Variants in NR5A2 observed in about 807,000 individuals in gnomAD.
NR5A2 encodes nuclear receptor subfamily 5 group A member 2, also known as CYP7A promoter-binding factor.
In NR5A2, 26 loss-of-function variants were observed where a neutral mutation model predicts 62.7. That is an observed-to-expected ratio of 0.41 (90% CI 0.30 to 0.58). NR5A2 has a LOEUF of 0.58. Among genes scored for constraint, NR5A2 ranks in the 20% least tolerant of loss-of-function variants. The pLI is 0.22. For synonymous variants in NR5A2, 246 were observed against 241.7 expected (o/e 1.02, Z -0.16); for missense variants, 541 against 669.1 (o/e 0.81, Z 2.11).
chr1:200,137,896 G>C (rs1045397259), intron 7 of NR5A2, among the ~76,000 whole-genome samples: 1 of 152,070 alleles, frequency 6.6e-6, no homozygotes, highest in Non-Finnish European at 1.5e-5. Context: ...AAAGGGATTG[G>C]GGTCCATGAT....
intron 5 of NR5A2, chr1:200,054,055 T>G (rs1662794988): frequency 1.3e-5 from 2 of 152,168 alleles, no homozygotes; most frequent in Admixed American, 6.5e-5. Flanking sequence ...AGAAAAAGAA[T>G]GCAGGGAGCT....
At position 200,069,852 on chromosome 1, in the gene NR5A2, A is replaced by G. The variant is rs79443832; in HGVS notation, c.1110+21034A>G. ...AATTAAGAGGAACATTGGAAAACAT[A>G]ATCTCTAATTATGTCTCAATATTAC... On this transcript the variant is annotated intron_variant, in intron 5 of 7. Transcript: ENST00000367362. Among the ~76,000 whole-genome samples the G allele has an allele frequency of 1.4e-3, 206 of 145,464 alleles. 3 individuals carry two copies. The East Asian group carries it at 0.031, about 22-fold the overall frequency.
At chr1:200,161,175 T>C (rs1653624376) in intron 7 of NR5A2, among the ~76,000 whole-genome samples, 1 of 152,182 alleles carries the variant, frequency 6.6e-6, no homozygotes, top group Non-Finnish European at 1.5e-5. Context: ...AAACACCGTA[T>C]GTATTTGGCC....
Position 200,147,500 on chromosome 1 carries a change from A to G in NR5A2, c.1379-26463A>G, listed in dbSNP as rs1337167998. ...AAGGGACAATTTGATCTGTTTCTTC[A>G]TCCTTAAAATTTCTGCTGCTTTTGC... On this transcript the variant is annotated intron_variant, in intron 7 of 7. Transcript: ENST00000367362. This position sits in a 1 kb window ranked among gnomAD's most constrained non-coding sequence, Gnocchi z 4.9. 3.1e-6 allele frequency: 2 copies of G among 641,634 alleles called. No homozygotes were observed. Among genetic ancestry groups the G allele is most frequent in the East Asian group, 3.7e-5 (1 of 26,716 alleles). 39.7% of individuals were successfully genotyped at this position (641,634 alleles called of 1,614,324 possible).
intron 6 of NR5A2, among the ~76,000 whole-genome samples, chr1:200,112,442 T>A (rs1299245318): frequency 6.6e-6 from 1 of 152,218 alleles, no homozygotes; most frequent in East Asian, 1.9e-4. Flanking sequence ...AATGGTGACT[T>A]CAGTACTCGG....
intron 7 of NR5A2, among the ~76,000 whole-genome samples, chr1:200,144,212 G>GTT (rs1470303125): frequency 8.6e-5 from 3 of 34,826 alleles, no homozygotes; most frequent in African/African-American, 2.0e-4. Flanking sequence ...TCCCAGCACT[G>GTT]TTTCTCTCTC....
At chr1:200,172,573 A>G (rs1047270290) in intron 7 of NR5A2, among the ~76,000 whole-genome samples, 3 of 152,300 alleles carry the variant, frequency 2.0e-5, no homozygotes, top group South Asian at 2.1e-4. Context: ...ACTGTTTTTA[A>G]TTTGGGTCAG....
Position 200,175,186 on chromosome 1 carries a change from T to A in NR5A2, c.*976T>A, listed in dbSNP as rs1654363150. On this transcript the variant is annotated 3_prime_UTR_variant, in exon 8 of 8. Transcript: ENST00000367362. ...ACATTAAACACATTTTGCTAGGATG[T>A]CAAATAGTCACAGTTCTAAGTAGTT... 1 of 152,566 alleles carries A rather than the reference T, an allele frequency of 6.6e-6. No homozygotes were observed. The highest frequency in any genetic ancestry group is 2.1e-4 in the South Asian group (1 of 4,836). The allele number at this position is 152,566 out of a possible 1,614,324, so 9.5% of individuals were successfully genotyped here.
intron 1 of NR5A2, among the ~76,000 whole-genome samples, chr1:200,032,335 C>T (rs955287453): frequency 1.3e-5 from 2 of 152,140 alleles, no homozygotes. Context: ...TGGAACTGAC[C>T]AGGCAAGCTG....
At chr1:200,074,465 C>A (rs932694145) in intron 5 of NR5A2, among the ~76,000 whole-genome samples, 5 of 151,172 alleles carry the variant, frequency 3.3e-5, no homozygotes, top group African/African-American at 1.2e-4. Flanking sequence ...GGGCCGGGTG[C>A]GGTGGGTCAC....
chr1:200,169,415 C>CTGAAAAAGTGTGT (rs1361737523), intron 7 of NR5A2, among the ~76,000 whole-genome samples: 1 of 152,188 alleles, frequency 6.6e-6, no homozygotes, highest in Admixed American at 6.5e-5. Context: ...GGACCCATTT[C>CTGAAAAAGTGTGT]TGAAAAAGTG....
chr1:200,164,767 TA>T (rs781143197), intron 7 of NR5A2, among the ~76,000 whole-genome samples: 6 of 151,104 alleles, frequency 4.0e-5, no homozygotes, highest in Non-Finnish European at 8.9e-5. Flanking sequence ...AGGCTGGTCT[TA>T]AACTCCTGAC....
rs990423914 is a variant in NR5A2, at chr1:200,147,605, T to C, written c.1379-26358T>C. ...ACACGAACGCTAGGGCAGAGCACAT[T>C]TTCGCACAGGCAGCGCCGCAGCTTG... On this transcript the variant is annotated intron_variant, in intron 7 of 7. Transcript: ENST00000367362. This position sits in a 1 kb window ranked among gnomAD's most constrained non-coding sequence, Gnocchi z 4.9. The C allele has an allele frequency of 4.2e-6, 3 of 718,396 alleles. No individual in the cohort carries two copies. Among genetic ancestry groups the C allele is most frequent in the African/African-American group, 3.5e-5 (2 of 56,854 alleles). 44.5% of individuals were successfully genotyped at this position (718,396 alleles called of 1,614,324 possible).
intron 5 of NR5A2, among the ~76,000 whole-genome samples, chr1:200,066,238 T>C (rs1345531510): frequency 6.6e-6 from 1 of 152,012 alleles, no homozygotes; most frequent in African/African-American, 2.4e-5. Context: ...AGGATACATG[T>C]TGAGGTAAAG....
rs181540662 is a variant in NR5A2 at position 200,035,097 on chromosome 1, G to A, written c.65-4561G>A. On this transcript the variant is annotated intron_variant, in intron 1 of 7. Coordinates refer to ENST00000367362, the MANE Select transcript of NR5A2 (RefSeq NM_205860.3). ...AGGGGCGGAAAAATTAGGCAGACCC[G>A]GAGCTCCCGTAGGCTGAAAAACTTG... 6.2e-4 allele frequency among the ~76,000 whole-genome samples: 94 copies of A among 152,184 alleles called. 1 individual carries two copies. Among genetic ancestry groups the A allele is most frequent in the Non-Finnish European group, 1.0e-3 (70 of 67,996 alleles).
intron 7 of NR5A2, among the ~76,000 whole-genome samples, chr1:200,136,747 C>T (rs1448954457): frequency 1.3e-5 from 2 of 152,156 alleles, no homozygotes; most frequent in Non-Finnish European, 2.9e-5. Context: ...AAATCTGATC[C>T]TTCTAGATCC....
Position 200,135,532 on chromosome 1 carries a change from A to AG in NR5A2, c.1378+14577_1378+14578insG, listed in dbSNP as rs1553276563. Among the ~76,000 whole-genome samples the AG allele has an allele frequency of 5.2e-4, 72 of 138,618 alleles. No individual in the cohort carries two copies. In the East Asian group the frequency reaches 0.011, roughly 21 times the overall value. 90.9% of individuals were successfully genotyped at this position (138,618 alleles called of 152,430 possible). A position where few individuals can be genotyped will look rare whatever the true frequency, so the allele number is the denominator to read the frequency against. ...CAAAACTTCATCTCCAAAAAAAAAA[A>AG]AAGAAGAAGAAGAAGAAGAAGAATG... On this transcript the variant is annotated intron_variant, in intron 7 of 7. Coordinates refer to ENST00000367362, the MANE Select transcript of NR5A2 (RefSeq NM_205860.3).
At position 200,135,252 on chromosome 1, in the gene NR5A2, G is replaced by A. The variant is rs147425612; in HGVS notation, c.1378+14297G>A. ...AATAAAGCATGAGGCCAGGTGCAGC[G>A]GCTCACGCCTGTAATCCCAGCACTT... On this transcript the variant is annotated intron_variant, in intron 7 of 7. Coordinates refer to ENST00000367362, the MANE Select transcript of NR5A2 (RefSeq NM_205860.3). Among the ~76,000 whole-genome samples, 497 of 152,292 alleles carry A rather than the reference G, an allele frequency of 3.3e-3. 1 individual carries two copies. The highest frequency in any genetic ancestry group is 0.012 in the African/African-American group (484 of 41,552).
At chr1:200,110,012 G>C (rs959025527) in intron 5 of NR5A2, among the ~76,000 whole-genome samples, 1 of 152,170 alleles carries the variant, frequency 6.6e-6, no homozygotes, top group South Asian at 2.1e-4. Flanking sequence ...TCATCTGCCC[G>C]CCTCAGCCTC....
Sources: gnomAD v4.1 joint callset for allele counts (sites outside exome capture counted in the v4.1 genomes callset) on GRCh38, gnomAD v4.1.1 for gene constraint, Gnocchi (gnomAD v3.1) non-coding constraint, MANE v1.5 for transcripts, NCBI Gene and HGNC (gene_info 2026-07-23, HGNC 2026-07-21) for gene names.